Variants in PLSCR2 observed in about 807,000 individuals in gnomAD.
PLSCR2 encodes the protein PL scramblase 2.
A neutral mutation model predicts 25.3 loss-of-function variants in PLSCR2; 18 were observed. The observed-to-expected ratio is 0.71, with a 90% CI of 0.49 to 1.06. PLSCR2 has a LOEUF of 1.06. Ranked by LOEUF, PLSCR2 falls within the 50% of genes least tolerant of loss-of-function variation. The pLI is 0.00. For synonymous variants in PLSCR2, 88 were observed against 87.3 expected (o/e 1.01, Z -0.04); for missense variants, 243 against 269.5 (o/e 0.90, Z 0.69).
intron 1 of PLSCR2, chr3:146,494,699 A>C (rs2043684726): frequency 6.6e-6 from 1 of 152,190 alleles, no homozygotes; most frequent in African/African-American, 2.4e-5. Flanking sequence ...TTTCTAAATC[A>C]CAGATCTTCA....
At chr3:146,461,091 C>A (rs2041545414), upstream of PLSCR2, among the ~76,000 whole-genome samples, 1 of 152,078 alleles carries the variant, frequency 6.6e-6, no homozygotes, top group African/African-American at 2.4e-5. Context: ...TAAGTATAAT[C>A]TTTATATTAC....
At chr3:146,474,228 A>G (rs527901428) in intron 1 of PLSCR2, among the ~76,000 whole-genome samples, 63 of 152,280 alleles carry the variant, frequency 4.1e-4, no homozygotes, top group African/African-American at 1.4e-3. Flanking sequence ...TGTTCTTTCC[A>G]CAATTTCTTA....
chr3:146,396,284 T>A (rs1351964692), intron 2 of PLSCR2, among the ~76,000 whole-genome samples: 1 of 152,168 alleles, frequency 6.6e-6, no homozygotes, highest in African/African-American at 2.4e-5. Flanking sequence ...CATAAGTGCT[T>A]TTTATTTTCT....
chr3:146,479,209 A>G (rs934410424), intron 1 of PLSCR2, among the ~76,000 whole-genome samples: 19 of 152,226 alleles, frequency 1.2e-4, no homozygotes, highest in African/African-American at 4.3e-4. Flanking sequence ...ACCAGCTAAC[A>G]TTATCACGAC....
At chr3:146,423,282 T>TCTCCCTCC (rs758576585) in intron 2 of PLSCR2, among the ~76,000 whole-genome samples, 2 of 100,962 alleles carry the variant, frequency 2.0e-5, no homozygotes, top group Non-Finnish European at 4.0e-5. Context: ...TCTCTCTCTC[T>TCTCCCTCC]CCCTGGCTAG....
exon 3 of PLSCR2, chr3:146,395,908 T>C (rs557922800): frequency 1.9e-5 from 6 of 324,144 alleles, no homozygotes; most frequent in Non-Finnish European, 3.1e-5. Context: ...CATTTCCTCA[T>C]CCAGAGTCAA....
chr3:146,456,811 T>A (rs1320078129), intron 3 of PLSCR2, among the ~76,000 whole-genome samples: 1 of 152,084 alleles, frequency 6.6e-6, no homozygotes, highest in Non-Finnish European at 1.5e-5. Context: ...AAAAGAAAAT[T>A]AAAAATGTCT....
chr3:146,491,260 T>C (rs1482832189), intron 1 of PLSCR2, among the ~76,000 whole-genome samples: 4 of 152,042 alleles, frequency 2.6e-5, no homozygotes, highest in Admixed American at 1.3e-4. Flanking sequence ...CTGCCCCTTC[T>C]CTCTAGTTGC....
intron 1 of PLSCR2, among the ~76,000 whole-genome samples, chr3:146,465,809 A>C (rs982415514): frequency 6.6e-6 from 1 of 152,250 alleles, no homozygotes; most frequent in African/African-American, 2.4e-5. Flanking sequence ...CAAATTAAAT[A>C]GCTTTCACAT....
intron 6 of PLSCR2, among the ~76,000 whole-genome samples, chr3:146,445,971 A>G (rs938664942): frequency 6.6e-6 from 1 of 151,976 alleles, no homozygotes; most frequent in Admixed American, 6.6e-5. Context: ...GCATTATTCA[A>G]CTCCAGAATT....
At chr3:146,460,211 A>G (rs2041485860) in exon 1 of PLSCR2, 1 of 1,393,648 alleles carries the variant, frequency 7.2e-7, no homozygotes, top group South Asian at 1.6e-5. Flanking sequence ...AGCTTGAGGT[A>G]TGTTTTTATC....
intron 2 of PLSCR2, among the ~76,000 whole-genome samples, chr3:146,419,093 T>C (rs1251984973): frequency 6.6e-6 from 1 of 151,678 alleles, no homozygotes; most frequent in Non-Finnish European, 1.5e-5. Flanking sequence ...TTCTTAAAAT[T>C]CTCTCAAGAT....
intron 1 of PLSCR2, among the ~76,000 whole-genome samples, chr3:146,488,862 G>A (rs778947456): frequency 3.3e-5 from 5 of 151,958 alleles, no homozygotes; most frequent in South Asian, 2.1e-4. Flanking sequence ...AAAGATAAAC[G>A]CACATGTATG....
rs560484670 is a variant in PLSCR2 at position 146,490,152 on chromosome 3, C to T, written c.-293+5743G>A. On this transcript the variant is annotated intron_variant, in intron 1 of 8. Coordinates refer to the PLSCR2 transcript ENST00000336685. Reference sequence around the variant, plus strand: ...TCTGAAACTGGAAAAGTAGTTAGTGCTCCCAAAACACAATAATGGGACATG... The same window carrying T: ...TCTGAAACTGGAAAAGTAGTTAGTGTTCCCAAAACACAATAATGGGACATG... Among the ~76,000 whole-genome samples, 9 of 152,164 alleles carry T rather than the reference C, an allele frequency of 5.9e-5. No individual in the cohort carries two copies. The South Asian group carries it at 1.9e-3, about 32-fold the overall frequency.
intron 3 of PLSCR2, among the ~76,000 whole-genome samples, chr3:146,393,242 A>T (rs1194075398): frequency 1.9e-5 from 2 of 107,798 alleles, no homozygotes; most frequent in African/African-American, 3.5e-5. Context: ...GTTAGTCAGG[A>T]TGGTCTTGAT....
chr3:146,427,002 T>G (rs982394984), intron 2 of PLSCR2, among the ~76,000 whole-genome samples: 6 of 152,154 alleles, frequency 3.9e-5, no homozygotes, highest in Admixed American at 3.9e-4. Flanking sequence ...AGTAGTAAAC[T>G]TCACCCTCAA....
At chr3:146,438,857 T>TTCTTCCTA (rs1389160184), downstream of PLSCR2, among the ~76,000 whole-genome samples, 1 of 152,216 alleles carries the variant, frequency 6.6e-6, no homozygotes, top group Non-Finnish European at 1.5e-5. Flanking sequence ...TTGATGCAGT[T>TTCTTCCTA]TCTTCCTAGT....
exon 1 of PLSCR2, chr3:146,495,897 G>T: frequency 6.5e-7 from 1 of 1,534,978 alleles, no homozygotes; most frequent in Non-Finnish European, 8.7e-7. Context: ...TTGGCTACCT[G>T]GGAGGTGAAT....
intron 1 of PLSCR2, among the ~76,000 whole-genome samples, chr3:146,483,013 A>G (rs1250026481): frequency 6.6e-6 from 1 of 151,724 alleles, no homozygotes; most frequent in Non-Finnish European, 1.5e-5. Context: ...AGTTCTGGCC[A>G]GGGCAATCAG....
Sources: gnomAD v4.1 joint callset for allele counts (sites outside exome capture counted in the v4.1 genomes callset) on GRCh38, gnomAD v4.1.1 for gene constraint, MANE v1.5 for transcripts, NCBI Gene and HGNC (gene_info 2026-07-23, HGNC 2026-07-21) for gene names.